NRXN1: variants seen among roughly 807,000 people sequenced by gnomAD.
NRXN1 encodes neurexin 1.
Under a neutral mutation model 150.9 loss-of-function variants are expected in NRXN1, and 39 were observed. The ratio of observed to expected loss-of-function variants is 0.26; its 90% CI spans 0.20 to 0.34. The LOEUF (loss-of-function observed/expected upper bound fraction) is 0.34, where lower values mean the gene tolerates loss of function less well. Ranked by LOEUF, NRXN1 falls within the 10% of genes least tolerant of loss-of-function variation. NRXN1 has a pLI of 1.00. For missense variants in NRXN1, 1,815 were observed against 1,949.9 expected (o/e 0.93, Z 1.30); for synonymous variants, 924 against 757.0 (o/e 1.22, Z -3.62).
intron 5 of NRXN1, among the ~76,000 whole-genome samples, chr2:50,866,667 C>T (rs1676982344): frequency 6.6e-6 from 1 of 151,800 alleles, no homozygotes; most frequent in South Asian, 2.1e-4. Flanking sequence ...TCTGTACTGA[C>T]ATAGAGATAA....
chr2:50,906,802 T>C (rs1313625295), intron 5 of NRXN1, among the ~76,000 whole-genome samples: 1 of 152,070 alleles, frequency 6.6e-6, no homozygotes, highest in Non-Finnish European at 1.5e-5. Flanking sequence ...CACAATGATG[T>C]ATAAATCTTA....
At chr2:50,524,370 T>C (rs1334135022) in intron 12 of NRXN1, among the ~76,000 whole-genome samples, 1 of 151,900 alleles carries the variant, frequency 6.6e-6, no homozygotes, top group African/African-American at 2.4e-5. Flanking sequence ...TTCCAGCTAC[T>C]TGGAAGGCTG....
intron 5 of NRXN1, among the ~76,000 whole-genome samples, chr2:50,920,817 G>A (rs1173066855): frequency 6.6e-6 from 1 of 151,766 alleles, no homozygotes; most frequent in Non-Finnish European, 1.5e-5. Context: ...AACCTATGTT[G>A]TTGGATCAAA....
chr2:50,066,582 AATGCT>A (rs1399733719), intron 19 of NRXN1, among the ~76,000 whole-genome samples: 43 of 152,198 alleles, frequency 2.8e-4, no homozygotes, highest in Admixed American at 2.6e-4. Context: ...TGAACTTCAT[AATGCT>A]ATTCACCCAA....
chr2:50,003,916 T>C, intron 21 of NRXN1, among the ~76,000 whole-genome samples: 1 of 152,198 alleles, frequency 6.6e-6, no homozygotes, highest in East Asian at 1.9e-4. Context: ...ACTTAACAGA[T>C]GCCCACTCTC....
chr2:50,254,791 T>C (rs1251139403), intron 17 of NRXN1, among the ~76,000 whole-genome samples: 1 of 152,202 alleles, frequency 6.6e-6, no homozygotes, highest in African/African-American at 2.4e-5. Flanking sequence ...TTTCTGTGAT[T>C]TATCTATCCA....
intron 5 of NRXN1, among the ~76,000 whole-genome samples, chr2:50,691,238 G>A (rs549973360): frequency 6.6e-6 from 1 of 152,246 alleles, no homozygotes; most frequent in East Asian, 1.9e-4. Flanking sequence ...GAAAAATAAA[G>A]GAGGTATCTG....
At chr2:50,831,545 C>A (rs979975991) in intron 5 of NRXN1, among the ~76,000 whole-genome samples, 2 of 152,108 alleles carry the variant, frequency 1.3e-5, no homozygotes, top group Non-Finnish European at 2.9e-5. Context: ...CATCTGGGTA[C>A]AGATTACACA....
At chr2:50,868,090 A>ACAGTTAAT (rs1677192968) in intron 5 of NRXN1, among the ~76,000 whole-genome samples, 1 of 148,748 alleles carries the variant, frequency 6.7e-6, no homozygotes. Flanking sequence ...AAAAAGAAAT[A>ACAGTTAAT]CAGTTAATCA....
chr2:49,977,357 G>A (rs1280272293), intron 21 of NRXN1, among the ~76,000 whole-genome samples: 1 of 152,070 alleles, frequency 6.6e-6, no homozygotes, highest in Non-Finnish European at 1.5e-5. Context: ...AGCATCCAGT[G>A]GATAGTGGCC....
intron 17 of NRXN1, among the ~76,000 whole-genome samples, chr2:50,270,146 C>T (rs534759697): frequency 2.9e-4 from 44 of 152,064 alleles, no homozygotes; most frequent in African/African-American, 1.0e-3. Flanking sequence ...GGGAGAATCC[C>T]AGATGCATTA....
At chr2:50,946,806 A>G (rs1244950073) in intron 2 of NRXN1, among the ~76,000 whole-genome samples, 3 of 152,232 alleles carry the variant, frequency 2.0e-5, no homozygotes, top group African/African-American at 7.2e-5. Flanking sequence ...CTACTGGAGC[A>G]CTATCAAGAC....
At chr2:50,768,931 C>T (rs1390644792) in intron 5 of NRXN1, among the ~76,000 whole-genome samples, 1 of 151,756 alleles carries the variant, frequency 6.6e-6, no homozygotes, top group Non-Finnish European at 1.5e-5. Context: ...CACACACACA[C>T]ACACATACAC....
At chr2:50,848,216 A>G (rs1324536396) in intron 5 of NRXN1, among the ~76,000 whole-genome samples, 1 of 152,126 alleles carries the variant, frequency 6.6e-6, no homozygotes, top group Non-Finnish European at 1.5e-5. Flanking sequence ...AGGGCACTGA[A>G]GCAGCCAGCC....
chr2:50,184,836 C>T (rs1033620734), intron 18 of NRXN1, among the ~76,000 whole-genome samples: 3 of 151,966 alleles, frequency 2.0e-5, no homozygotes, highest in East Asian at 1.9e-4. Context: ...CACATATTAT[C>T]GACATTTTGC....
At chr2:50,621,352 A>T (rs917333807) in intron 6 of NRXN1, 103 bp from the exon 7 acceptor site, 1 of 862,670 alleles carries the variant, frequency 1.2e-6, no homozygotes. Flanking sequence ...ACATTTTTTG[A>T]TTCAGGTAAC....
At chr2:50,359,029 G>A (rs1242851068) in intron 17 of NRXN1, among the ~76,000 whole-genome samples, 2 of 152,076 alleles carry the variant, frequency 1.3e-5, no homozygotes, top group Admixed American at 1.3e-4. Context: ...CAAACAGCAG[G>A]AAAACTAACA....
intron 5 of NRXN1, among the ~76,000 whole-genome samples, chr2:50,775,967 A>T (rs1703580869): frequency 6.6e-6 from 1 of 152,126 alleles, no homozygotes; most frequent in Non-Finnish European, 1.5e-5. Flanking sequence ...AAAGCGTCAC[A>T]GTCTCCGACC....
chr2:49,949,176 A>G (rs973199372), intron 21 of NRXN1, among the ~76,000 whole-genome samples: 3 of 152,144 alleles, frequency 2.0e-5, no homozygotes, highest in Non-Finnish European at 2.9e-5. Flanking sequence ...AATGAATGGT[A>G]AGAAGGTAGA....
Sources: gnomAD v4.1 joint callset for allele counts (sites outside exome capture counted in the v4.1 genomes callset) on GRCh38, gnomAD v4.1.1 for gene constraint, MANE v1.5 for transcripts, NCBI Gene and HGNC (gene_info 2026-07-23, HGNC 2026-07-21) for gene names.